Variants in XPR1 observed in about 807,000 individuals in gnomAD.
The protein encoded by XPR1 is solute carrier family 53 member 1.
A neutral mutation model predicts 87.5 loss-of-function variants in XPR1; 28 were observed. That is an observed-to-expected ratio of 0.32 (90% CI 0.24 to 0.44). XPR1 has a LOEUF of 0.44. XPR1 is among the 20% of genes least tolerant of loss of function. XPR1 has a pLI of 1.00. For missense variants in XPR1, 559 were observed against 862.3 expected (o/e 0.65, Z 4.41); for synonymous variants, 300 against 306.1 (o/e 0.98, Z 0.21).
In XPR1 at chr1:180,757,362, C is replaced by G. The variant is rs1301677146; in HGVS notation, c.122-30391C>G. On this transcript the variant is annotated intron_variant, in intron 2 of 14. Coordinates refer to ENST00000367590, the MANE Select transcript of XPR1 (RefSeq NM_004736.4). ...GCCTCTACAATAAAAAATTTGGAAA[C>G]AACTTTTTAGATTTTAAAAGATCTC... Among the ~76,000 whole-genome samples the G allele has an allele frequency of 2.6e-5, 4 of 152,176 alleles. No homozygotes were observed. In the East Asian group the frequency reaches 7.7e-4, roughly 29 times the overall value.
intron 6 of XPR1, among the ~76,000 whole-genome samples, chr1:180,808,685 T>C (rs1037675829): frequency 6.6e-6 from 1 of 152,184 alleles, no homozygotes; most frequent in Non-Finnish European, 1.5e-5. Context: ...CAAATTAGCA[T>C]GTGATAAAAT....
chr1:180,854,554 G>A (rs1651971754), intron 11 of XPR1, among the ~76,000 whole-genome samples: 2 of 152,152 alleles, frequency 1.3e-5, no homozygotes, highest in South Asian at 4.1e-4. Context: ...CAGCCAGAAC[G>A]AGTCTGTGAT....
chr1:180,806,234 C>G, intron 5 of XPR1, 23 bp downstream of exon 5: 1 of 1,604,918 alleles, frequency 6.2e-7, no homozygotes, highest in Middle Eastern at 1.7e-4. Flanking sequence ...CGTTTATTTA[C>G]AACGTATTTT....
At chr1:180,793,569 A>G (rs1649463742) in intron 3 of XPR1, among the ~76,000 whole-genome samples, 1 of 152,056 alleles carries the variant, frequency 6.6e-6, no homozygotes, top group Non-Finnish European at 1.5e-5. Context: ...TTAAATTCCC[A>G]TGTGTTAACG....
chr1:180,884,287 T>G lies in XPR1; in HGVS notation c.*221T>G. 1 of 460,494 alleles carries G rather than the reference T, an allele frequency of 2.2e-6. No individual in the cohort carries two copies. Among genetic ancestry groups the G allele is most frequent in the Non-Finnish European group, 3.9e-6 (1 of 256,064 alleles). The allele number at this position is 460,494 out of a possible 1,614,324, so 28.5% of individuals were successfully genotyped here. A position where few individuals can be genotyped will look rare whatever the true frequency, so the allele number is the denominator to read the frequency against. On this transcript the variant is annotated 3_prime_UTR_variant, in exon 15 of 15. Transcript: ENST00000367590. ...AATTTTCTATTTTCAAAACAAATAT[T>G]TACTTCATTTGCCAATCAGAGGATG...
chr1:180,804,811 ATTCCT>A (rs1215071627), intron 4 of XPR1, among the ~76,000 whole-genome samples: 1 of 152,170 alleles, frequency 6.6e-6, no homozygotes, highest in African/African-American at 2.4e-5. Context: ...ATAGTGATAA[ATTCCT>A]TTGCTTTGAG....
At chr1:180,764,931 G>A (rs1039665886) in intron 2 of XPR1, among the ~76,000 whole-genome samples, 9 of 151,140 alleles carry the variant, frequency 6.0e-5, no homozygotes, top group South Asian at 2.1e-4. Context: ...GACTGCAGGC[G>A]CCCACCACCA....
intron 11 of XPR1, among the ~76,000 whole-genome samples, chr1:180,840,532 T>TTGTGTGTGTGTGTGTGTGTGTGTGTG (rs373937004): frequency 9.1e-6 from 1 of 110,440 alleles, no homozygotes; most frequent in Admixed American, 1.0e-4. Context: ...GTTAACATAT[T>TTGTGTGTGTGTGTGTGTGTGTGTGTG]TGTGTGTGTG....
At chr1:180,650,698 A>G (rs1314662495) in intron 1 of XPR1, among the ~76,000 whole-genome samples, 2 of 152,224 alleles carry the variant, frequency 1.3e-5, no homozygotes, top group East Asian at 1.9e-4. Context: ...TGTGAGATCT[A>G]TTCATATTTG....
rs61618385 is a variant in XPR1 at position 180,831,559 on chromosome 1, C to G, written c.1135-3315C>G. Reference sequence around the variant, plus strand: ...TATCCCTCCCCCTGCCCCCCACCCCCCAACATGCCCCAGTGTGTGATGTTC... The same window carrying G: ...TATCCCTCCCCCTGCCCCCCACCCCGCAACATGCCCCAGTGTGTGATGTTC... On this transcript the variant is annotated intron_variant, in intron 9 of 14. Transcript: ENST00000367590. Among the ~76,000 whole-genome samples, 307 of 146,244 alleles carry G rather than the reference C, an allele frequency of 2.1e-3. 1 individual carries two copies. The highest frequency in any genetic ancestry group is 7.1e-3 in the African/African-American group (280 of 39,668).
chr1:180,723,437 A>C (rs943744984), intron 2 of XPR1, among the ~76,000 whole-genome samples: 5 of 152,150 alleles, frequency 3.3e-5, no homozygotes, highest in African/African-American at 1.2e-4. Context: ...CATCAAATGA[A>C]ATTCTTTCAG....
At chr1:180,823,021 C>A (rs1650694472) in intron 7 of XPR1, among the ~76,000 whole-genome samples, 1 of 152,150 alleles carries the variant, frequency 6.6e-6, no homozygotes. Context: ...GGGCAGATCA[C>A]CTGAGGTCAG....
At chr1:180,632,645 G>C (rs1654628240) in intron 1 of XPR1, among the ~76,000 whole-genome samples, 2 of 152,226 alleles carry the variant, frequency 1.3e-5, no homozygotes, top group African/African-American at 4.8e-5. Flanking sequence ...CACTCGCCCT[G>C]ACCTCTCGTC....
intron 3 of XPR1, among the ~76,000 whole-genome samples, chr1:180,797,401 G>A (rs1329556237): frequency 6.6e-6 from 1 of 152,190 alleles, no homozygotes; most frequent in African/African-American, 2.4e-5. Context: ...CAGTGTTTGA[G>A]ATTAGCCTTG....
intron 2 of XPR1, among the ~76,000 whole-genome samples, chr1:180,764,233 A>G (rs1648179521): frequency 6.6e-6 from 1 of 152,188 alleles, no homozygotes; most frequent in Non-Finnish European, 1.5e-5. Context: ...TATTAAAAAT[A>G]TTGTATAAAA....
intron 13 of XPR1, among the ~76,000 whole-genome samples, chr1:180,875,225 A>G (rs1193969748): frequency 1.3e-5 from 2 of 152,224 alleles, no homozygotes; most frequent in African/African-American, 4.8e-5. Context: ...AAATATTTTG[A>G]GTAGCCAGGC....
intron 1 of XPR1, among the ~76,000 whole-genome samples, chr1:180,634,358 C>A (rs1332835569): frequency 1.3e-5 from 2 of 152,114 alleles, no homozygotes; most frequent in African/African-American, 2.4e-5. Flanking sequence ...TTAAATGAGG[C>A]GCACTTTTCT....
rs762980152 is a variant in XPR1 at position 180,885,926 on chromosome 1, C to G, written c.*1860C>G. 6.6e-6 allele frequency: 1 copy of G among 152,128 alleles called. No individual in the cohort carries two copies. Among genetic ancestry groups the G allele is most frequent in the Non-Finnish European group, 1.5e-5 (1 of 68,012 alleles). The allele number at this position is 152,128 out of a possible 1,614,324, so 9.4% of individuals were successfully genotyped here. Reference sequence around the variant, plus strand: ...TTCTTTTTAAAGTAGTTTCTTCCATCTTTATTCTGACTAGCTTCCAAAATG... The same window carrying G: ...TTCTTTTTAAAGTAGTTTCTTCCATGTTTATTCTGACTAGCTTCCAAAATG... On this transcript the variant is annotated 3_prime_UTR_variant, in exon 15 of 15. Transcript: ENST00000367590.
At chr1:180,680,612 C>T (rs1438956385) in intron 1 of XPR1, among the ~76,000 whole-genome samples, 1 of 152,104 alleles carries the variant, frequency 6.6e-6, no homozygotes, top group East Asian at 1.9e-4. Context: ...ATCCGCTCTC[C>T]TCGGCCTCCC....
Sources: gnomAD v4.1 joint callset for allele counts (sites outside exome capture counted in the v4.1 genomes callset) on GRCh38, gnomAD v4.1.1 for gene constraint, MANE v1.5 for transcripts, NCBI Gene and HGNC (gene_info 2026-07-23, HGNC 2026-07-21) for gene names.